The following KIF1C variants were observed in gnomAD, a reference collection of about 807,000 sequenced individuals.
The protein encoded by KIF1C is kinesin family member 1C.
In KIF1C, 61 loss-of-function variants were observed where a neutral mutation model predicts 126.5. The ratio of observed to expected loss-of-function variants is 0.48; its 90% confidence interval spans 0.39 to 0.60. The LOEUF is 0.60. Ranked by LOEUF, KIF1C falls within the 20% of genes least tolerant of loss-of-function variation. The pLI is 0.00. For missense variants in KIF1C, 1,315 were observed against 1,489.2 expected (o/e 0.88, Z 1.93); for synonymous variants, 640 against 580.6 (o/e 1.10, Z -1.47).
At chr17:5,008,594 C>G (rs1974788535) in intron 16 of KIF1C, among the ~76,000 whole-genome samples, 1 of 152,218 alleles carries the variant, frequency 6.6e-6, no homozygotes, top group Non-Finnish European at 1.5e-5. Context: ...TCAGGTCCAT[C>G]TGGGGGACTA....
chr17:5,010,007 A>G (rs1023802260), intron 16 of KIF1C, among the ~76,000 whole-genome samples: 1 of 151,940 alleles, frequency 6.6e-6, no homozygotes, highest in Non-Finnish European at 1.5e-5. Flanking sequence ...GCTCAGTGCA[A>G]ACTCTGCCTC....
At chr17:5,018,193 C>A (rs1156432133) in intron 18 of KIF1C, among the ~76,000 whole-genome samples, 1 of 151,958 alleles carries the variant, frequency 6.6e-6, no homozygotes, top group Non-Finnish European at 1.5e-5. Flanking sequence ...GTTGCCCAGG[C>A]TGGTCTCAAA....
In KIF1C at chr17:5,008,525, G is replaced by A. The variant is rs572831993; in HGVS notation, c.1491+983G>A. Among the ~76,000 whole-genome samples the A allele has an allele frequency of 2.2e-4, 33 of 152,334 alleles. 1 individual carries two copies. In the East Asian group the frequency reaches 4.1e-3, roughly 19 times the overall value. On this transcript the variant is annotated intron_variant, in intron 16 of 22. Transcript: ENST00000320785. ...TGCTCTGAGCCAGACAGTGTCACTG[G>A]GGGCTGCCTGGAAGAGGTGATGGGT...
At chr17:4,998,340 G>A (rs910016873) in intron 1 of KIF1C, among the ~76,000 whole-genome samples, 184 bp downstream of exon 1, 2 of 152,202 alleles carry the variant, frequency 1.3e-5, no homozygotes, top group Non-Finnish European at 2.9e-5. Flanking sequence ...ACAGGAGGAC[G>A]GGTCCGCATG....
At chr17:5,018,545 C>G (rs963765432) in intron 18 of KIF1C, among the ~76,000 whole-genome samples, 1 of 151,672 alleles carries the variant, frequency 6.6e-6, no homozygotes, top group African/African-American at 2.4e-5. Context: ...CAAAATTAGC[C>G]AGGTGTGGTG....
At chr17:5,005,785 G>A (rs905394899) in intron 13 of KIF1C, among the ~76,000 whole-genome samples, 18 of 150,442 alleles carry the variant, frequency 1.2e-4, no homozygotes, top group Admixed American at 7.3e-4. Flanking sequence ...GGAGTGCAGT[G>A]GCTCCATCTT....
At chr17:5,007,166 G>GA (rs1974753618) in intron 14 of KIF1C, 82 bp downstream of exon 14, 1 of 1,567,206 alleles carries the variant, frequency 6.4e-7, no homozygotes, top group Admixed American at 1.9e-5. Context: ...TGAGAAAGAA[G>GA]GAATTCTAGG....
At chr17:5,013,997 C>T (rs1974921424) in intron 17 of KIF1C, among the ~76,000 whole-genome samples, 1 of 152,250 alleles carries the variant, frequency 6.6e-6, no homozygotes, top group African/African-American at 2.4e-5. Flanking sequence ...TAGACCCCCT[C>T]ATTCTTAGAC....
rs376879540 is a variant in KIF1C, at chr17:5,003,577, G to T, written c.721-35G>T. ...GATTTCCCTGCCCCGTCCCCCACCC[G>T]CACCTTATCTCCTGCCTGTTTCCTC... On this transcript the variant is annotated intron_variant, in intron 8 of 22. Coordinates refer to ENST00000320785, the MANE Select transcript of KIF1C (RefSeq NM_006612.6). 11 of 1,514,094 alleles carry T rather than the reference G, an allele frequency of 7.3e-6. No individual in the cohort carries two copies. The South Asian group carries it at 8.3e-5, about 11-fold the overall frequency. The allele number at this position is 1,514,094 out of a possible 1,614,324, so 93.8% of individuals were successfully genotyped here.
At chr17:5,003,192 G>A (rs567485208) in intron 8 of KIF1C, among the ~76,000 whole-genome samples, 2 of 152,216 alleles carry the variant, frequency 1.3e-5, no homozygotes, top group East Asian at 1.9e-4. Context: ...TTACAGGCAT[G>A]CGCCACCAGG....
chr17:5,003,002 G>A (rs544616893), intron 8 of KIF1C, among the ~76,000 whole-genome samples, 160 bp downstream of exon 8: 28 of 151,090 alleles, frequency 1.9e-4, no homozygotes, highest in East Asian at 3.9e-4. Flanking sequence ...CTGTTTTTCC[G>A]TCAGATCAGT....
Position 5,024,253 on chromosome 17 carries a change from G to T in KIF1C, c.*102G>T. On this transcript the variant is annotated 3_prime_UTR_variant, in exon 23 of 23. Transcript: ENST00000320785. Reference sequence around the variant, plus strand: ...AGAAGTGCTGGGGCAGGGAGGCCCAGGAGATGAGAGAGAAGGTCCGAGTAG... The same window carrying T: ...AGAAGTGCTGGGGCAGGGAGGCCCATGAGATGAGAGAGAAGGTCCGAGTAG... The T allele has an allele frequency of 1.2e-6, 1 of 833,110 alleles. No individual in the cohort carries two copies. The highest frequency in any genetic ancestry group is 1.9e-6 in the Non-Finnish European group (1 of 528,072). The allele number at this position is 833,110 out of a possible 1,614,324, so 51.6% of individuals were successfully genotyped here. A position where few individuals can be genotyped will look rare whatever the true frequency, so the allele number is the denominator to read the frequency against.
chr17:5,006,229 G>T (rs1205784549), intron 13 of KIF1C, among the ~76,000 whole-genome samples: 1 of 151,792 alleles, frequency 6.6e-6, no homozygotes. Flanking sequence ...CGACACAGAG[G>T]TTTCTAGACT....
At chr17:5,001,199 T>A (rs771141240) in intron 4 of KIF1C, 23 bp from the exon 5 acceptor site, 4 of 1,612,554 alleles carry the variant, frequency 2.5e-6, no homozygotes, top group South Asian at 1.1e-5. Flanking sequence ...ACTCTGTTTT[T>A]CTCTGCCCCC....
rs914598972 is a variant in KIF1C, at chr17:4,998,083, CCGCTTCCGCCTCA to C, written c.-214_-202del. ...GCTCCGAACCGGCCCCAGATCCTTC[CCGCTTCCGCCTCA>C]CGCTTCCCGGAAAGCTTGTCCCTCT... On this transcript the variant is annotated 5_prime_UTR_variant, in exon 1 of 23. Transcript: ENST00000320785. 3 of 151,786 alleles carry C rather than the reference CCGCTTCCGCCTCA, an allele frequency of 2.0e-5. No individual in the cohort carries two copies. Among genetic ancestry groups the C allele is most frequent in the Non-Finnish European group, 4.4e-5 (3 of 67,868 alleles). The allele number at this position is 151,786 out of a possible 1,614,324, so 9.4% of individuals were successfully genotyped here.
chr17:5,023,726 C>T lies in KIF1C; in HGVS notation c.2887C>T (p.Arg963Cys), dbSNP rs768222656. 3.3e-5 allele frequency: 50 copies of T among 1,536,270 alleles called. No individual in the cohort carries two copies. Among genetic ancestry groups the T allele is most frequent in the Admixed American group, 1.5e-4 (7 of 46,830 alleles). ...CTCTGGGGGCCGGGGCGGGGGGCTG[C>T]GCAGGCCCCCAGCCCGCTTTGTGCC... ...QGSGGRGGGL[R>C]RPPARFVPPH... is the part of the protein sequence containing the mutation. Residue 963 changes from arginine to cysteine, a missense_variant, in exon 23 of 23, where the codon CGC (arginine) becomes TGC (cysteine). By Grantham distance (180) the Arg-to-Cys change is radical. This residue lies in a region of KIF1C where 441 missense variants were observed against 436.1 expected (regional missense o/e 1.01). Transcript: ENST00000320785. The surrounding 1 kb of genome is among the most constrained non-coding windows in gnomAD (Gnocchi z 4.2).
intron 18 of KIF1C, chr17:5,019,691 A>G: frequency 2.5e-6 from 1 of 393,194 alleles, no homozygotes. Flanking sequence ...GCAGTTAAAC[A>G]TGAGGAATGA....
intron 18 of KIF1C, among the ~76,000 whole-genome samples, chr17:5,015,376 C>T (rs373401986): frequency 5.3e-5 from 8 of 151,936 alleles, no homozygotes; most frequent in African/African-American, 1.7e-4. Flanking sequence ...CTCAACCTCC[C>T]GGGTTCAAGC....
At chr17:5,003,090 A>ACAGTGGTG (rs1974642401) in intron 8 of KIF1C, among the ~76,000 whole-genome samples, 1 of 150,354 alleles carries the variant, frequency 6.7e-6, no homozygotes, top group Non-Finnish European at 1.5e-5. Context: ...AGGTTGGAGT[A>ACAGTGGTG]CAGTGGTGCA....
Sources: allele counts gnomAD v4.1 joint callset (sites outside exome capture counted in the v4.1 genomes callset), GRCh38; gene constraint gnomAD v4.1.1; regional missense constraint gnomAD v4.1.1; non-coding constraint Gnocchi (gnomAD v3.1); transcripts MANE v1.5; gene names NCBI Gene and HGNC (gene_info 2026-07-23, HGNC 2026-07-21).